Variants in LGALS2 observed in about 807,000 individuals in gnomAD.
The protein encoded by LGALS2 is galectin-2.
Under a neutral mutation model 10.1 loss-of-function variants are expected in LGALS2, and 7 were observed. The observed-to-expected ratio is 0.70, with a 90% confidence interval of 0.40 to 1.31. The LOEUF (loss-of-function observed/expected upper bound fraction) is 1.31. LGALS2 is among the 50% of genes most tolerant of loss of function. LGALS2 has a pLI of 0.01. For missense variants in LGALS2, 167 were observed against 163.6 expected, an observed-to-expected ratio of 1.02 and a Z score of -0.11; for synonymous variants, 86 against 64.2, an observed-to-expected ratio of 1.34 and a Z score of -1.63.
In LGALS2 at chr22:37,570,365, A is replaced by G; in HGVS notation, c.297T>C (p.Asp99=). 1 of 1,614,050 alleles carries G rather than the reference A, an allele frequency of 6.2e-7. No individual in the cohort carries two copies. The highest frequency in any genetic ancestry group is 8.5e-7 in the Non-Finnish European group (1 of 1,179,984). Residue 99 remains aspartate, a synonymous_variant, in exon 4 of 4, where the codon GAT becomes GAC. Transcript: ENST00000215886. ...TGTTGGGAAAAGTCAGCTCGTGCCC[A>G]TCTGGCAGCTTCACCTTGAATTTGT... ...ESDKFKVKLP[D]GHELTFPNRL...
In LGALS2 at chr22:37,570,250, G is replaced by C. The variant is rs376007426; in HGVS notation, c.*13C>G. ...AAGAAGAACCAGGACAGAGAATCTC[G>C]GCTGGAAGTCTTTTATTCTTTTAAC... On this transcript the variant is annotated 3_prime_UTR_variant, in exon 4 of 4. Transcript: ENST00000215886. The C allele has an allele frequency of 1.9e-6, 3 of 1,594,600 alleles. No homozygotes were observed. Among genetic ancestry groups the C allele is most frequent in the Non-Finnish European group, 2.6e-6 (3 of 1,165,248 alleles).
Position 37,570,745 on chromosome 22 carries a change from AAGGGGTAGC to A in LGALS2, c.90-19_90-11del. ...CAGATTAATTACAAAGCTGCAGGAG[AAGGGGTAGC>A]AGGTGAGGTTCAGGGCTCAGGCCTG... On this transcript the variant is annotated splice_polypyrimidine_tract_variant and intron_variant, in intron 2 of 3. Coordinates refer to ENST00000215886, the MANE Select transcript of LGALS2 (RefSeq NM_006498.3). The A allele has an allele frequency of 1.2e-6, 2 of 1,614,088 alleles. No individual in the cohort carries two copies. Among genetic ancestry groups the A allele is most frequent in the Non-Finnish European group, 1.7e-6 (2 of 1,179,998 alleles).
chr22:37,571,215 A>G (rs1362692771), intron 2 of LGALS2, among the ~76,000 whole-genome samples: 1 of 152,180 alleles, frequency 6.6e-6, no homozygotes, highest in Non-Finnish European at 1.5e-5. Context: ...GACCAAGGGT[A>G]TCACACATTT....
chr22:37,573,517 C>T (rs768664034), intron 1 of LGALS2, among the ~76,000 whole-genome samples: 1 of 152,046 alleles, frequency 6.6e-6, no homozygotes, highest in African/African-American at 2.4e-5. Context: ...GGCAACATAG[C>T]GAGACTCCCA....
At chr22:37,577,250 C>G (rs1000161059) in intron 1 of LGALS2, among the ~76,000 whole-genome samples, 1 of 152,142 alleles carries the variant, frequency 6.6e-6, no homozygotes, top group Non-Finnish European at 1.5e-5. Context: ...GGGCATAGAC[C>G]CTTCCACGCA....
At chr22:37,572,778 T>TAAA (rs1354118139) in intron 1 of LGALS2, among the ~76,000 whole-genome samples, 1 of 136,794 alleles carries the variant, frequency 7.3e-6, no homozygotes, top group Non-Finnish European at 1.5e-5. Context: ...AAAATAATAA[T>TAAA]AATAATAATA....
chr22:37,577,172 C>G (rs1017598943), intron 1 of LGALS2, among the ~76,000 whole-genome samples: 1 of 152,034 alleles, frequency 6.6e-6, no homozygotes, highest in African/African-American at 2.4e-5. Flanking sequence ...GGTGAGATGA[C>G]CAGGAAAGAG....
At chr22:37,572,863 T>C (rs59133086) in intron 1 of LGALS2, among the ~76,000 whole-genome samples, 16,327 of 150,198 alleles carry the variant, frequency 0.11, 2,362 homozygotes, top group African/African-American at 0.34. Context: ...CCCAGCTACT[T>C]GGGAGGCTGA....
chr22:37,576,414 T>A (rs1237591228), intron 1 of LGALS2, among the ~76,000 whole-genome samples: 2 of 137,650 alleles, frequency 1.5e-5, no homozygotes, highest in African/African-American at 5.7e-5. Flanking sequence ...ATGGCGCCAC[T>A]GCACTCCAGC....
At chr22:37,578,268 C>T (rs1053306982) in intron 1 of LGALS2, among the ~76,000 whole-genome samples, 8 of 152,142 alleles carry the variant, frequency 5.3e-5, no homozygotes, top group African/African-American at 1.9e-4. Context: ...GGGCAATTTG[C>T]TCTCCAAGAC....
intron 1 of LGALS2, among the ~76,000 whole-genome samples, chr22:37,575,619 C>G (rs369795976): frequency 2.0e-5 from 3 of 149,326 alleles, no homozygotes; most frequent in Non-Finnish European, 4.4e-5. Flanking sequence ...CCACCTGGCC[C>G]AGCTGATTTT....
chr22:37,576,379 G>A (rs889224130), intron 1 of LGALS2, among the ~76,000 whole-genome samples: 26 of 151,210 alleles, frequency 1.7e-4, no homozygotes, highest in Admixed American at 7.3e-4. Context: ...GTGAACCCGG[G>A]AGGCGGTGCT....
At chr22:37,577,767 C>T (rs561264534) in intron 1 of LGALS2, among the ~76,000 whole-genome samples, 215 of 152,204 alleles carry the variant, frequency 1.4e-3, no homozygotes, top group Non-Finnish European at 2.4e-3. Context: ...AAATCCAATA[C>T]GACCAGTGTT....
rs994553761 is a variant in LGALS2 at position 37,573,213 on chromosome 22, G to A, written c.7-1282C>T. Among the ~76,000 whole-genome samples the A allele has an allele frequency of 7.2e-5, 11 of 152,006 alleles. 1 individual carries two copies. Among genetic ancestry groups the A allele is most frequent in the African/African-American group, 2.7e-4 (11 of 41,392 alleles). Reference sequence around the variant, plus strand: ...TTAAGCCTGGGAGGCAGAGGTTGCAGTAAGACAAGATCACGCCACTGCACT... The same window carrying A: ...TTAAGCCTGGGAGGCAGAGGTTGCAATAAGACAAGATCACGCCACTGCACT... On this transcript the variant is annotated intron_variant, in intron 1 of 3. Coordinates refer to ENST00000215886, the MANE Select transcript of LGALS2 (RefSeq NM_006498.3).
At chr22:37,573,026 C>G (rs981236426) in intron 1 of LGALS2, among the ~76,000 whole-genome samples, 3 of 151,376 alleles carry the variant, frequency 2.0e-5, no homozygotes, top group Non-Finnish European at 4.4e-5. Flanking sequence ...GTAATCCCAG[C>G]ACTTTGGAAG....
chr22:37,579,263 A>AAG (rs1555946284), intron 1 of LGALS2, among the ~76,000 whole-genome samples: 3 of 121,278 alleles, frequency 2.5e-5, no homozygotes, highest in African/African-American at 8.9e-5. Context: ...AAAAAAAAAA[A>AAG]AGAGAAAGAA....
intron 1 of LGALS2, among the ~76,000 whole-genome samples, chr22:37,573,194 C>T (rs1433480589): frequency 6.6e-6 from 1 of 152,012 alleles, no homozygotes; most frequent in African/African-American, 2.4e-5. Context: ...CGGCTTAAGC[C>T]TGGGAGGCAG....
At chr22:37,573,142 G>C (rs1341879091) in intron 1 of LGALS2, among the ~76,000 whole-genome samples, 1 of 130,726 alleles carries the variant, frequency 7.6e-6, no homozygotes, top group African/African-American at 4.0e-5. Flanking sequence ...GTGGTGGCAC[G>C]CATCTATAGT....
At chr22:37,572,781 T>TAAG (rs1555945286) in intron 1 of LGALS2, among the ~76,000 whole-genome samples, 2 of 138,562 alleles carry the variant, frequency 1.4e-5, no homozygotes, top group Non-Finnish European at 3.1e-5. Context: ...ATAATAATAA[T>TAAG]AATAATAATA....
Sources: gnomAD v4.1 joint callset for allele counts (sites outside exome capture counted in the v4.1 genomes callset) on GRCh38, gnomAD v4.1.1 for gene constraint, MANE v1.5 for transcripts, NCBI Gene and HGNC (gene_info 2026-07-23, HGNC 2026-07-21) for gene names.